Variants in NALF1 observed in about 807,000 individuals in gnomAD.
The protein encoded by NALF1 is NALCN channel auxiliary factor 1.
NALF1 carries 3 observed loss-of-function variants against 48.4 expected under a neutral mutation model. That is an observed-to-expected ratio of 0.06 (90% confidence interval 0.03 to 0.16). The LOEUF (loss-of-function observed/expected upper bound fraction) is 0.16, where lower values mean the gene tolerates loss of function less well. Ranked by LOEUF, NALF1 falls within the 10% of genes least tolerant of loss-of-function variation. The pLI, the probability that NALF1 is intolerant of heterozygous loss-of-function variation, is 1.00. For synonymous variants in NALF1, 262 were observed against 245.7 expected (o/e 1.07, Z -0.62); for missense variants, 526 against 571.5 (o/e 0.92, Z 0.81).
chr13:107,191,205 C>A (rs1286454488), intron 2 of NALF1, among the ~76,000 whole-genome samples: 1 of 151,010 alleles, frequency 6.6e-6, no homozygotes, highest in Non-Finnish European at 1.5e-5. Context: ...TTTGAAGACA[C>A]AAGAACCTAT....
Position 107,794,869 on chromosome 13 carries a change from T to C in NALF1, c.915+70813A>G, listed in dbSNP as rs142676158. ...CTATGTTTAAATTACACAAAATAATTGGTTTATTTTAATAAAAGGCAAATA... is the reference window on the plus strand; with the variant it reads ...CTATGTTTAAATTACACAAAATAATCGGTTTATTTTAATAAAAGGCAAATA... On this transcript the variant is annotated intron_variant, in intron 1 of 2. Transcript: ENST00000375915. Among the ~76,000 whole-genome samples the C allele has an allele frequency of 9.2e-5, 14 of 152,284 alleles. No individual in the cohort carries two copies. The East Asian group carries it at 2.7e-3, about 29-fold the overall frequency.
intron 1 of NALF1, among the ~76,000 whole-genome samples, chr13:107,492,421 C>T (rs1034878021): frequency 3.3e-5 from 5 of 152,108 alleles, no homozygotes; most frequent in African/African-American, 4.8e-5. Flanking sequence ...TGATGGTCTA[C>T]GAACCCTACA....
intron 1 of NALF1, among the ~76,000 whole-genome samples, chr13:107,806,184 ACT>A (rs986013085): frequency 3.3e-4 from 50 of 152,054 alleles, no homozygotes; most frequent in Admixed American, 3.1e-3. Context: ...AATACCAAAG[ACT>A]CTGCTGTGCT....
rs990717186 is a variant in NALF1, at chr13:107,867,133, C to T, written c.-537G>A. Among the ~76,000 whole-genome samples the T allele has an allele frequency of 3.3e-5, 5 of 151,726 alleles. No individual in the cohort carries two copies. The highest frequency in any genetic ancestry group is 7.4e-5 in the Non-Finnish European group (5 of 67,850). On this transcript the variant is annotated 5_prime_UTR_variant, in exon 1 of 3. Coordinates refer to ENST00000375915, the MANE Select transcript of NALF1 (RefSeq NM_001080396.3). The surrounding 1 kb of genome is among the most constrained non-coding windows in gnomAD (Gnocchi z 4.4). ...CGCCCGGAGCGCCTCCCCTCCTCCT[C>T]CTCCTCCTCCTCTTCTTCTCCTCCT... is the stretch of plus-strand genomic sequence containing the variant.
At chr13:107,204,110 G>T (rs556948765) in intron 2 of NALF1, among the ~76,000 whole-genome samples, 1 of 149,012 alleles carries the variant, frequency 6.7e-6, no homozygotes, top group African/African-American at 2.5e-5. Flanking sequence ...AGAGAGGGGC[G>T]CCCACAAGCT....
At chr13:107,808,200 G>A (rs559935867) in intron 1 of NALF1, among the ~76,000 whole-genome samples, 7 of 152,128 alleles carry the variant, frequency 4.6e-5, no homozygotes, top group Non-Finnish European at 7.4e-5. Flanking sequence ...TAGCCTTTGT[G>A]GGTTATAGGT....
chr13:107,325,855 C>CATATATATATATAT (rs1228535140), intron 1 of NALF1, among the ~76,000 whole-genome samples: 5 of 54,048 alleles, frequency 9.3e-5, no homozygotes, highest in Non-Finnish European at 1.1e-4. Context: ...CACACACACA[C>CATATATATATATAT]ATATATATAT....
chr13:107,429,446 A>C (rs1219998791), intron 1 of NALF1, among the ~76,000 whole-genome samples: 1 of 151,950 alleles, frequency 6.6e-6, no homozygotes, highest in Non-Finnish European at 1.5e-5. Flanking sequence ...TGGAGGGAGA[A>C]TGGAAAGGAC....
At chr13:107,251,107 G>A (rs1164072055) in intron 1 of NALF1, among the ~76,000 whole-genome samples, 2 of 152,182 alleles carry the variant, frequency 1.3e-5, no homozygotes. Flanking sequence ...ATATTGGCAT[G>A]CCTACATATT....
At chr13:107,724,090 C>T (rs1490818937) in intron 1 of NALF1, among the ~76,000 whole-genome samples, 1 of 151,970 alleles carries the variant, frequency 6.6e-6, no homozygotes, top group Non-Finnish European at 1.5e-5. Context: ...ACAAAGAACA[C>T]ACAGAAGATT....
intron 1 of NALF1, among the ~76,000 whole-genome samples, chr13:107,328,210 G>C (rs975609686): frequency 1.3e-5 from 2 of 151,552 alleles, no homozygotes; most frequent in African/African-American, 4.9e-5. Flanking sequence ...GAGCCACAGT[G>C]CCTGGCTACT....
At chr13:107,784,802 G>GGAAT (rs1878021926) in intron 1 of NALF1, among the ~76,000 whole-genome samples, 1 of 152,110 alleles carries the variant, frequency 6.6e-6, no homozygotes, top group South Asian at 2.1e-4. Context: ...ACTGCTGGTG[G>GGAAT]GAATGTAAAG....
intron 1 of NALF1, among the ~76,000 whole-genome samples, chr13:107,298,465 C>A (rs1247989544): frequency 2.7e-5 from 4 of 150,700 alleles, no homozygotes; most frequent in Non-Finnish European, 5.9e-5. Flanking sequence ...CAGAGTCTCA[C>A]TCTGTCGCCA....
At chr13:107,280,791 C>G (rs1363515087) in intron 1 of NALF1, among the ~76,000 whole-genome samples, 2 of 152,154 alleles carry the variant, frequency 1.3e-5, no homozygotes, top group Non-Finnish European at 2.9e-5. Context: ...TATTTGTACT[C>G]TTTACCTGTG....
intron 1 of NALF1, among the ~76,000 whole-genome samples, chr13:107,380,977 CAA>C (rs1216225434): frequency 0.01 from 559 of 53,396 alleles, 3 homozygotes; most frequent in African/African-American, 0.034. Context: ...GACACGGTCT[CAA>C]AAAAAAAAAA....
At chr13:107,644,769 A>G (rs1361057381) in intron 1 of NALF1, among the ~76,000 whole-genome samples, 1 of 151,566 alleles carries the variant, frequency 6.6e-6, no homozygotes, top group Non-Finnish European at 1.5e-5. Flanking sequence ...GTTAATGTTT[A>G]AAGTAACTCT....
chr13:107,699,462 A>G (rs1474626552), intron 1 of NALF1, among the ~76,000 whole-genome samples: 6 of 152,150 alleles, frequency 3.9e-5, no homozygotes, highest in Non-Finnish European at 7.4e-5. Context: ...TTTCTAAAAC[A>G]GGCCACTGAA....
intron 1 of NALF1, among the ~76,000 whole-genome samples, chr13:107,433,418 C>T (rs1439559643): frequency 4.0e-5 from 6 of 151,888 alleles, no homozygotes; most frequent in Non-Finnish European, 8.8e-5. Flanking sequence ...AGGGTGATTG[C>T]CCATTATATA....
rs1027920416 is a variant in NALF1 at position 107,165,730 on chromosome 13, CTT to C, written c.*4765_*4766del. The stretch of plus-strand genomic sequence containing the variant: ...ATTTTCCTTCCCCCCCACTGAAAGT[CTT>C]TTTATTCATTGTCACCCAATACCTA... On this transcript the variant is annotated 3_prime_UTR_variant, in exon 3 of 3. Coordinates refer to ENST00000375915, the MANE Select transcript of NALF1 (RefSeq NM_001080396.3). The C allele has an allele frequency of 3.3e-5, 5 of 152,090 alleles. No homozygotes were observed. Among genetic ancestry groups the C allele is most frequent in the Non-Finnish European group, 7.4e-5 (5 of 68,018 alleles). The allele number at this position is 152,090 out of a possible 1,614,324, so 9.4% of individuals were successfully genotyped here. A position where few individuals can be genotyped will look rare whatever the true frequency, so the allele number is the denominator to read the frequency against.
Sources: gnomAD v4.1 joint callset for allele counts (sites outside exome capture counted in the v4.1 genomes callset) on GRCh38, gnomAD v4.1.1 for gene constraint, Gnocchi (gnomAD v3.1) non-coding constraint, MANE v1.5 for transcripts, NCBI Gene and HGNC (gene_info 2026-07-23, HGNC 2026-07-21) for gene names.